DNAH5: variants seen among roughly 807,000 people sequenced by gnomAD.
The protein encoded by DNAH5 is dynein axonemal heavy chain 5.
DNAH5 carries 372 observed loss-of-function variants against 518.2 expected under a neutral mutation model. The observed-to-expected ratio is 0.72, with a 90% confidence interval of 0.66 to 0.78. The LOEUF (loss-of-function observed/expected upper bound fraction) is 0.78. Among genes scored for constraint, DNAH5 ranks in the 30% least tolerant of loss-of-function variants. The probability of loss-of-function intolerance (pLI) is 0.00; values close to 1 mark genes in which losing one functional copy is unlikely to be tolerated. For missense variants in DNAH5, 5,523 were observed against 5,687.0 expected (o/e 0.97, Z 0.93); for synonymous variants, 2,039 against 2,025.9 (o/e 1.01, Z -0.17).
In DNAH5 at chr5:13,769,133, A is replaced by G; in HGVS notation, c.9724T>C (p.Leu3242=). The G allele has an allele frequency of 6.2e-7, 1 of 1,614,108 alleles. No homozygotes were observed. Residue 3242 remains leucine, a synonymous_variant, in exon 58 of 79, where the codon TTA becomes CTA. Transcript: ENST00000265104. The part of the protein sequence containing the change: ...QVANDKADMV[L]KEVTMKAQAA... ...TGTGCTTTCATTGTCACTTCTTTTAAGACCTAATTCAATATAAAGCAAGCA... is the reference window on the plus strand; with the variant it reads ...TGTGCTTTCATTGTCACTTCTTTTAGGACCTAATTCAATATAAAGCAAGCA...
intron 1 of DNAH5, among the ~76,000 whole-genome samples, chr5:13,955,211 ACT>A (rs1268859035): frequency 6.8e-6 from 1 of 148,006 alleles, no homozygotes; most frequent in Middle Eastern, 3.4e-3. Flanking sequence ...TTCCCCCCTC[ACT>A]CTCTCTCTCT....
intron 1 of DNAH5, among the ~76,000 whole-genome samples, chr5:14,010,443 TA>T (rs1785034030): frequency 6.6e-6 from 1 of 152,176 alleles, no homozygotes; most frequent in South Asian, 2.1e-4. Flanking sequence ...GAAAACTTGG[TA>T]AATTTATGTA....
At chr5:13,912,188 T>G (rs1440165320) in intron 11 of DNAH5, among the ~76,000 whole-genome samples, 1 of 152,146 alleles carries the variant, frequency 6.6e-6, no homozygotes, top group Non-Finnish European at 1.5e-5. Flanking sequence ...ATTCTCAAAC[T>G]CAGGTGCCCA....
In DNAH5 at chr5:13,752,253, G is replaced by C; in HGVS notation, c.10909C>G (p.Leu3637Val). 1 of 1,614,028 alleles carries C rather than the reference G, an allele frequency of 6.2e-7. No homozygotes were observed. The highest frequency in any genetic ancestry group is 8.5e-7 in the Non-Finnish European group (1 of 1,179,950). The change falls in exon 64 of 79, where the codon CTG (leucine) becomes GTG (valine). Residue 3637 changes from leucine to valine, a missense_variant. Coordinates refer to ENST00000265104, the MANE Select transcript of DNAH5 (RefSeq NM_001369.3). ...SLNHKYFRNH[L>V]EDSLSLGRPL... Reference sequence around the variant, plus strand: ...CTTCCAAGAGAAAGGCTGTCTTCCAGGTGGTTTCTGAAGTACTTGTGATTT... The same window carrying C: ...CTTCCAAGAGAAAGGCTGTCTTCCACGTGGTTTCTGAAGTACTTGTGATTT...
At chr5:13,775,972 C>CAAAAAAAAAA (rs369053509) in intron 55 of DNAH5, among the ~76,000 whole-genome samples, 1 of 106,610 alleles carries the variant, frequency 9.4e-6, no homozygotes. Context: ...CAAAAGCTTT[C>CAAAAAAAAAA]AAAAAAAAAA....
chr5:13,886,251 G>A, intron 17 of DNAH5, 122 bp from the exon 18 acceptor site: 1 of 981,184 alleles, frequency 1.0e-6, no homozygotes, highest in Admixed American at 2.2e-5. Flanking sequence ...TTCAGCCCCA[G>A]TGATGCTTGG....
upstream of DNAH5, among the ~76,000 whole-genome samples, chr5:13,944,932 C>T (rs1426540085): frequency 6.6e-6 from 1 of 152,200 alleles, no homozygotes; most frequent in Non-Finnish European, 1.5e-5. Context: ...AATATATTGT[C>T]CATGTCGAGA....
intron 11 of DNAH5, among the ~76,000 whole-genome samples, chr5:13,912,717 T>A (rs575502325): frequency 6.6e-6 from 1 of 151,934 alleles, no homozygotes; most frequent in East Asian, 2.0e-4. Flanking sequence ...GAAAAGCTAC[T>A]ACATTTTGAT....
At chr5:13,868,347 T>TA (rs1322140928) in intron 24 of DNAH5, among the ~76,000 whole-genome samples, 3 of 152,126 alleles carry the variant, frequency 2.0e-5, no homozygotes, top group Admixed American at 1.3e-4. Flanking sequence ...ATCAAGTAAA[T>TA]AAAAAACAAA....
chr5:13,696,084 T>A (rs1195267343), intron 78 of DNAH5, among the ~76,000 whole-genome samples: 2 of 152,112 alleles, frequency 1.3e-5, no homozygotes, highest in African/African-American at 2.4e-5. Context: ...CAGTCTCAGG[T>A]CAGAATGGGT....
In DNAH5 at chr5:13,844,955, A is replaced by G. The variant is rs1220719773; in HGVS notation, c.5153T>C (p.Phe1718Ser). Residue 1718 changes from phenylalanine to serine, a missense_variant, in exon 32 of 79, where the codon TTC becomes TCC. Physicochemically the swap from Phe to Ser is radical, Grantham distance 155. Transcript: ENST00000265104. Reference sequence around the variant, plus strand: ...TAGAAGGGCAGGATCTGAGACGAAGAAAAACCGAGGAAAGCACAGTCGTTT... The same window carrying G: ...TAGAAGGGCAGGATCTGAGACGAAGGAAAACCGAGGAAAGCACAGTCGTTT... The part of the protein sequence containing the change: ...EKKRLCFPRF[F>S]FVSDPALLEI... 2 of 1,613,982 alleles carry G rather than the reference A, an allele frequency of 1.2e-6. No individual in the cohort carries two copies. The highest frequency in any genetic ancestry group is 1.7e-6 in the Non-Finnish European group (2 of 1,179,976).
chr5:13,910,875 A>T (rs1164144554), intron 12 of DNAH5, among the ~76,000 whole-genome samples: 1 of 152,184 alleles, frequency 6.6e-6, no homozygotes, highest in African/African-American at 2.4e-5. Context: ...GCAAGGCAAG[A>T]TGGCTGGTCT....
chr5:13,864,560 T>G lies in DNAH5; in HGVS notation c.4433A>C (p.Glu1478Ala). 1.9e-6 allele frequency: 3 copies of G among 1,614,080 alleles called. No homozygotes were observed. Among genetic ancestry groups the G allele is most frequent in the Non-Finnish European group, 2.5e-6 (3 of 1,180,016 alleles). Residue 1478 changes from glutamate (E) to alanine (A), a missense_variant, in exon 28 of 79, where the codon GAG becomes GCG. Physicochemically the swap from Glu to Ala is moderately radical, Grantham distance 107 (BLOSUM62 -1). Transcript: ENST00000265104. The part of the protein sequence containing the change: ...DLKKIIDDFS[E>A]CCPLLEYMAS... ...CATGTATTCCAGCAGCGGGCAACACTCGCTGAAATCATCAATGATCTTCTT... is the reference window on the plus strand; with the variant it reads ...CATGTATTCCAGCAGCGGGCAACACGCGCTGAAATCATCAATGATCTTCTT...
intron 40 of DNAH5, among the ~76,000 whole-genome samples, chr5:13,822,537 C>T (rs1762360452): frequency 1.3e-5 from 2 of 152,170 alleles, no homozygotes; most frequent in East Asian, 1.9e-4. Context: ...AGGCATGAGC[C>T]ACCACACCTG....
At chr5:13,846,582 A>G (rs1766037621) in intron 31 of DNAH5, among the ~76,000 whole-genome samples, 1 of 152,168 alleles carries the variant, frequency 6.6e-6, no homozygotes, top group Non-Finnish European at 1.5e-5. Flanking sequence ...TCCTCAAGAC[A>G]AAGGAGGGCA....
chr5:13,794,344 C>T (rs1230902299), intron 47 of DNAH5, among the ~76,000 whole-genome samples: 2 of 152,184 alleles, frequency 1.3e-5, no homozygotes, highest in East Asian at 3.8e-4. Context: ...TTACTTTTGT[C>T]TTCTTCTGTT....
chr5:13,938,090 C>G (rs760873140), intron 1 of DNAH5, among the ~76,000 whole-genome samples: 1 of 152,056 alleles, frequency 6.6e-6, no homozygotes, highest in Non-Finnish European at 1.5e-5. Flanking sequence ...AATCTCATGC[C>G]GTCCAAATCC....
rs1744988064 is a variant in DNAH5, at chr5:13,721,058, GA to G, written c.12220del (p.Ser4074ProfsTer39). ...KRLKIETRYV[S>X]MGQGQEVHAR... ...ATGGACTTCCTGGCCCTGGCCCATG[GA>G]CACATAACGGGTTTCTATTTTTAAT... On this transcript the variant is annotated frameshift_variant, in exon 71 of 79. Transcript: ENST00000265104. LOFTEE classifies it high-confidence loss of function. The G allele has an allele frequency of 6.2e-7, 1 of 1,614,106 alleles. No homozygotes were observed. The highest frequency in any genetic ancestry group is 8.5e-7 in the Non-Finnish European group (1 of 1,179,986).
intron 1 of DNAH5, among the ~76,000 whole-genome samples, chr5:13,942,778 C>T (rs1369669757): frequency 2.6e-5 from 4 of 152,156 alleles, no homozygotes; most frequent in Admixed American, 6.5e-5. Context: ...TGCTCCTTGG[C>T]TACAAATCCT....
Sources: gnomAD v4.1 joint callset for allele counts (sites outside exome capture counted in the v4.1 genomes callset) on GRCh38, gnomAD v4.1.1 for gene constraint, MANE v1.5 for transcripts, NCBI Gene and HGNC (gene_info 2026-07-23, HGNC 2026-07-21) for gene names.